The following PICALM variants were observed in gnomAD, a reference collection of about 807,000 sequenced individuals.
PICALM encodes the protein phosphatidylinositol-binding clathrin assembly protein.
A neutral mutation model predicts 80.5 loss-of-function variants in PICALM; 40 were observed. The observed-to-expected ratio is 0.50, with a 90% CI of 0.39 to 0.65. PICALM has a LOEUF of 0.65. Among genes scored for constraint, PICALM ranks in the 30% least tolerant of loss-of-function variants. PICALM has a pLI of 0.00. For missense variants in PICALM, 676 were observed against 778.9 expected (o/e 0.87, Z 1.57); for synonymous variants, 288 against 260.3 (o/e 1.11, Z -1.02).
intron 12 of PICALM, among the ~76,000 whole-genome samples, chr11:85,993,143 T>C (rs1226175858): frequency 6.6e-6 from 1 of 151,818 alleles, no homozygotes; most frequent in Non-Finnish European, 1.5e-5. Flanking sequence ...TGGAATGCAA[T>C]GGCATAATCA....
chr11:86,055,610 GAGGTAGTAGAGTT>G (rs541752722), intron 1 of PICALM, among the ~76,000 whole-genome samples: 176 of 152,242 alleles, frequency 1.2e-3, no homozygotes, highest in South Asian at 6.6e-3. Flanking sequence ...ACATTACACA[GAGGTAGTAGAGTT>G]GTATTCCATG....
intron 1 of PICALM, among the ~76,000 whole-genome samples, chr11:86,051,735 C>T (rs2096192278): frequency 6.6e-6 from 1 of 152,086 alleles, no homozygotes; most frequent in African/African-American, 2.4e-5. Context: ...AATTATATTC[C>T]TCAAAGAAAA....
At chr11:86,046,327 C>G (rs2096071106) in intron 1 of PICALM, among the ~76,000 whole-genome samples, 1 of 152,162 alleles carries the variant, frequency 6.6e-6, no homozygotes, top group African/African-American at 2.4e-5. Context: ...ATTCATGATT[C>G]ACCATTGTGA....
At position 85,983,911 on chromosome 11, in the gene PICALM, A is replaced by T. The variant is rs762032161; in HGVS notation, c.1471T>A (p.Ser491Thr). 1 of 1,605,162 alleles carries T rather than the reference A, an allele frequency of 6.2e-7. No homozygotes were observed. Among genetic ancestry groups the T allele is most frequent in the Non-Finnish European group, 8.5e-7 (1 of 1,172,966 alleles). ...TTTGTAGATTTATTTCCAAACACAG[A>T]TTCAAAGTCAACATTAAGGCCAGCT... ...PSAGLNVDFE[S>T]VFGNKSTNVI... Residue 491 changes from serine (S) to threonine (T), a missense_variant, in exon 14 of 20, where the codon TCT becomes ACT. Around this residue, in one of 2 missense-constraint regions of PICALM, gnomAD observed 391 missense variants for 383.6 expected, o/e 1.02. Coordinates refer to ENST00000393346, the MANE Select transcript of PICALM (RefSeq NM_007166.4).
At chr11:85,966,837 C>T (rs1302940801) in intron 19 of PICALM, among the ~76,000 whole-genome samples, 2 of 152,120 alleles carry the variant, frequency 1.3e-5, no homozygotes, top group African/African-American at 4.8e-5. Flanking sequence ...CAGATGCAAA[C>T]TATGGAACGA....
chr11:86,036,274 T>C (rs933637898), intron 1 of PICALM, among the ~76,000 whole-genome samples: 1 of 152,156 alleles, frequency 6.6e-6, no homozygotes, highest in African/African-American at 2.4e-5. Context: ...GTCCAGGAAA[T>C]GAAATGAACA....
intron 1 of PICALM, among the ~76,000 whole-genome samples, chr11:86,048,649 T>G (rs1184545735): frequency 6.6e-6 from 1 of 150,908 alleles, no homozygotes; most frequent in Non-Finnish European, 1.5e-5. Context: ...CTGGCCAACA[T>G]GGTGAAATCC....
At chr11:85,985,738 C>G (rs532234604) in intron 13 of PICALM, among the ~76,000 whole-genome samples, 1 of 152,196 alleles carries the variant, frequency 6.6e-6, no homozygotes, top group Non-Finnish European at 1.5e-5. Flanking sequence ...TGTGTCCATG[C>G]TATCATCAGA....
rs759413074 is a variant in PICALM, at chr11:85,983,959, GAGA to G, written c.1420_1422del (p.Ser474del). ...GCTGAAGGGTGTGGCTGTGCAACTG[GAGA>G]AGGAGTGAATCCTGAGTAAACCAAA... On this transcript the variant is annotated inframe_deletion, in exon 14 of 20. Transcript: ENST00000393346. 12 of 1,573,200 alleles carry G rather than the reference GAGA, an allele frequency of 7.6e-6. No homozygotes were observed. The highest frequency in any genetic ancestry group is 3.4e-5 in the Admixed American group (2 of 59,176).
rs1157477297 is a variant in PICALM, at chr11:86,000,748, G to A, written c.1049C>T (p.Pro350Leu). ...EQRLKELAKKPHTSLTTAASP... is the reference protein window; with the variant it reads ...EQRLKELAKKLHTSLTTAASP... ...GGCTGCAGTTGTTAAAGAGGTATGA[G>A]GTTTCTTTGCAAGTTCTTTTAGGCG... is the stretch of plus-strand genomic sequence containing the variant. Residue 350 changes from proline (P) to leucine (L), a missense_variant, in exon 11 of 20, where the codon CCT becomes CTT. Transcript: ENST00000393346. The A allele has an allele frequency of 1.2e-6, 2 of 1,612,914 alleles. No homozygotes were observed. Among genetic ancestry groups the A allele is most frequent in the Non-Finnish European group, 1.7e-6 (2 of 1,179,858 alleles).
chr11:86,023,977 A>C (rs1390551783), intron 3 of PICALM, among the ~76,000 whole-genome samples: 1 of 151,972 alleles, frequency 6.6e-6, no homozygotes, highest in African/African-American at 2.4e-5. Flanking sequence ...TTTAAGAATA[A>C]AAATATTAGC....
intron 12 of PICALM, among the ~76,000 whole-genome samples, chr11:85,992,986 A>G (rs1370069412): frequency 1.3e-5 from 2 of 152,246 alleles, no homozygotes; most frequent in African/African-American, 4.8e-5. Context: ...ATTAATGGAC[A>G]TTACACTATA....
At chr11:86,020,978 T>C (rs1344246818) in intron 4 of PICALM, among the ~76,000 whole-genome samples, 1 of 152,154 alleles carries the variant, frequency 6.6e-6, no homozygotes, top group Middle Eastern at 3.2e-3. Context: ...ATTTATGCGA[T>C]AAGAAACTGG....
chr11:86,001,217 G>T, intron 9 of PICALM, 59 bp from the exon 10 acceptor site: 1 of 1,560,040 alleles, frequency 6.4e-7, no homozygotes, highest in Non-Finnish European at 8.7e-7. Flanking sequence ...ATTACACCCA[G>T]GTCATGAAAT....
At chr11:86,023,319 T>G in intron 3 of PICALM, 1 of 314,798 alleles carries the variant, frequency 3.2e-6, no homozygotes, top group Non-Finnish European at 4.6e-6. Flanking sequence ...AGTTCATTTA[T>G]TTAGCAAAAT....
chr11:85,985,534 G>A (rs1362434768), intron 13 of PICALM, among the ~76,000 whole-genome samples: 1 of 152,104 alleles, frequency 6.6e-6, no homozygotes, highest in South Asian at 2.1e-4. Flanking sequence ...ATCAAAATAC[G>A]AAATAATTTA....
intron 1 of PICALM, among the ~76,000 whole-genome samples, chr11:86,055,985 A>C (rs1484216673): frequency 2.0e-5 from 3 of 151,538 alleles, no homozygotes; most frequent in African/African-American, 7.3e-5. Context: ...AAAATACAAA[A>C]ACTTAGCCAG....
At chr11:86,028,526 T>G (rs2095689671) in intron 2 of PICALM, among the ~76,000 whole-genome samples, 1 of 152,248 alleles carries the variant, frequency 6.6e-6, no homozygotes, top group African/African-American at 2.4e-5. Context: ...ACTCTACATT[T>G]TCATGTATTA....
intron 19 of PICALM, among the ~76,000 whole-genome samples, chr11:85,964,363 A>T (rs1314108581): frequency 1.3e-5 from 2 of 152,190 alleles, no homozygotes; most frequent in Non-Finnish European, 2.9e-5. Flanking sequence ...TCAACCTCTT[A>T]AGAGAAAAAT....
Sources: gnomAD v4.1 joint callset for allele counts (sites outside exome capture counted in the v4.1 genomes callset) on GRCh38, gnomAD v4.1.1 for gene constraint, gnomAD v4.1.1 regional missense constraint, MANE v1.5 for transcripts, NCBI Gene and HGNC (gene_info 2026-07-23, HGNC 2026-07-21) for gene names.